NRXN1: variants seen among roughly 807,000 people sequenced by gnomAD.
NRXN1 encodes the protein neurexin 1.
NRXN1 carries 39 observed loss-of-function variants against 150.9 expected under a neutral mutation model. The observed-to-expected ratio is 0.26, with a 90% CI of 0.20 to 0.34. The LOEUF is 0.34. NRXN1 is among the 10% of genes least tolerant of loss of function. NRXN1 has a pLI of 1.00. For missense variants in NRXN1, 1,815 were observed against 1,949.9 expected (o/e 0.93, Z 1.30); for synonymous variants, 924 against 757.0 (o/e 1.22, Z -3.62).
At chr2:50,275,065 C>T (rs1257415886) in intron 17 of NRXN1, among the ~76,000 whole-genome samples, 1 of 152,082 alleles carries the variant, frequency 6.6e-6, no homozygotes, top group African/African-American at 2.4e-5. Flanking sequence ...CTTTAAACAC[C>T]AAGAATATCA....
At chr2:50,502,089 T>G (rs1227406875) in intron 13 of NRXN1, among the ~76,000 whole-genome samples, 1 of 152,134 alleles carries the variant, frequency 6.6e-6, no homozygotes, top group Non-Finnish European at 1.5e-5. Flanking sequence ...ATCTAAAGCT[T>G]TCATTGCCAC....
intron 21 of NRXN1, among the ~76,000 whole-genome samples, chr2:49,968,762 A>T (rs1009674784): frequency 3.3e-5 from 5 of 152,112 alleles, no homozygotes; most frequent in African/African-American, 1.2e-4. Context: ...ACAATGAGCA[A>T]ATATATTGAC....
intron 21 of NRXN1, among the ~76,000 whole-genome samples, chr2:49,989,750 G>A (rs1681598590): frequency 6.6e-6 from 1 of 152,164 alleles, no homozygotes; most frequent in Non-Finnish European, 1.5e-5. Flanking sequence ...TATAGCAAGA[G>A]CAGACTAGAG....
chr2:50,283,504 A>T (rs1574920146), intron 17 of NRXN1, among the ~76,000 whole-genome samples: 1 of 152,284 alleles, frequency 6.6e-6, no homozygotes, highest in East Asian at 1.9e-4. Context: ...TAAGGCTTGA[A>T]TTTGAACAAA....
intron 17 of NRXN1, among the ~76,000 whole-genome samples, chr2:50,391,423 G>C (rs943682378): frequency 2.0e-5 from 3 of 152,016 alleles, no homozygotes; most frequent in Non-Finnish European, 2.9e-5. Context: ...CCTAATTATA[G>C]TGCTTTAAAA....
intron 8 of NRXN1, among the ~76,000 whole-genome samples, chr2:50,612,207 C>G (rs1208106377): frequency 6.6e-6 from 1 of 151,730 alleles, no homozygotes. Context: ...TCTTCATTTG[C>G]CAAATAGGGA....
chr2:50,888,099 A>C (rs997265705), intron 5 of NRXN1, among the ~76,000 whole-genome samples: 16 of 151,730 alleles, frequency 1.1e-4, no homozygotes, highest in African/African-American at 3.6e-4. Context: ...AGATCAGTAC[A>C]GTGTCACAGC....
At chr2:50,391,456 C>A (rs1317185061) in intron 17 of NRXN1, among the ~76,000 whole-genome samples, 1 of 152,010 alleles carries the variant, frequency 6.6e-6, no homozygotes, top group Non-Finnish European at 1.5e-5. Flanking sequence ...GGAAGAGAAT[C>A]CATGTGTTTC....
intron 22 of NRXN1, among the ~76,000 whole-genome samples, chr2:49,925,410 G>A (rs769091322): frequency 5.9e-5 from 9 of 151,778 alleles, no homozygotes; most frequent in Non-Finnish European, 1.0e-4. Context: ...TCTTATTGTC[G>A]CTAATGCTTT....
In NRXN1 at chr2:50,497,527, G is replaced by T; in HGVS notation, c.2685C>A (p.Ala895=). The T allele has an allele frequency of 6.2e-7, 1 of 1,613,866 alleles. No homozygotes were observed. The highest frequency in any genetic ancestry group is 1.1e-5 in the South Asian group (1 of 91,074). The change falls in exon 14 of 23, where the codon GCC becomes GCA. Residue 895 remains alanine (A), a synonymous_variant. Transcript: ENST00000401669. ...CTATGATGTTCCTGAAGCCAAATCT[G>T]GCATTAAGCTCACAGTAATCTATGT... The part of the protein sequence containing the change: ...NGDIDYCELN[A]RFGFRNIIAD...
intron 17 of NRXN1, among the ~76,000 whole-genome samples, chr2:50,271,382 C>T (rs905503022): frequency 1.3e-5 from 2 of 152,126 alleles, no homozygotes; most frequent in Non-Finnish European, 2.9e-5. Flanking sequence ...TGTCATATTC[C>T]TCTCTTTCAC....
intron 17 of NRXN1, among the ~76,000 whole-genome samples, chr2:50,458,542 C>A (rs1429845108): frequency 6.6e-6 from 1 of 151,932 alleles, no homozygotes; most frequent in Non-Finnish European, 1.5e-5. Flanking sequence ...TAAAATACCA[C>A]ATGTACCCCC....
chr2:50,745,188 T>C (rs945244460), intron 5 of NRXN1, among the ~76,000 whole-genome samples: 14 of 152,214 alleles, frequency 9.2e-5, no homozygotes, highest in African/African-American at 2.9e-4. Context: ...AAGTTGATAA[T>C]AGTATCTACA....
chr2:50,892,918 C>T (rs1327218570), intron 5 of NRXN1, among the ~76,000 whole-genome samples: 1 of 152,138 alleles, frequency 6.6e-6, no homozygotes, highest in Non-Finnish European at 1.5e-5. Context: ...CTGCTGAGGC[C>T]ATGCTCTCTG....
At chr2:50,606,029 G>A (rs371764989) in intron 8 of NRXN1, among the ~76,000 whole-genome samples, 4 of 151,854 alleles carry the variant, frequency 2.6e-5, no homozygotes, top group East Asian at 1.9e-4. Context: ...CAGGCAGATC[G>A]CTTGAAGTCA....
At chr2:50,385,169 A>G (rs1416839632) in intron 17 of NRXN1, among the ~76,000 whole-genome samples, 1 of 152,170 alleles carries the variant, frequency 6.6e-6, no homozygotes, top group African/African-American at 2.4e-5. Flanking sequence ...ATTTCCCCCA[A>G]CTTTCCCATT....
chr2:50,032,494 T>C (rs751400280), intron 21 of NRXN1, among the ~76,000 whole-genome samples: 38 of 152,086 alleles, frequency 2.5e-4, no homozygotes, highest in Non-Finnish European at 1.6e-4. Flanking sequence ...GGTTAGATCA[T>C]TGAGGTTGAA....
intron 17 of NRXN1, among the ~76,000 whole-genome samples, chr2:50,293,463 G>C (rs2073187993): frequency 6.6e-6 from 1 of 152,114 alleles, no homozygotes; most frequent in Non-Finnish European, 1.5e-5. Context: ...GCCCTGCATA[G>C]GGAAGAAGCG....
intron 5 of NRXN1, among the ~76,000 whole-genome samples, chr2:50,841,836 T>C (rs1196790495): frequency 6.6e-6 from 1 of 152,206 alleles, no homozygotes; most frequent in Non-Finnish European, 1.5e-5. Context: ...CATAACTATT[T>C]ACTAGCCCTA....
Sources: gnomAD v4.1 joint callset for allele counts (sites outside exome capture counted in the v4.1 genomes callset) on GRCh38, gnomAD v4.1.1 for gene constraint, MANE v1.5 for transcripts, NCBI Gene and HGNC (gene_info 2026-07-23, HGNC 2026-07-21) for gene names.